Variants in TMEM266 observed in about 807,000 individuals in gnomAD.
TMEM266 encodes the protein Hv1 related protein 1.
Under a neutral mutation model 50.5 loss-of-function variants are expected in TMEM266, and 33 were observed. That is an observed-to-expected ratio of 0.65 (90% CI 0.50 to 0.87). TMEM266 has a LOEUF of 0.87. Among genes scored for constraint, TMEM266 ranks in the 40% least tolerant of loss-of-function variants. The pLI, the probability that TMEM266 is intolerant of heterozygous loss-of-function variation, is 0.00. For synonymous variants in TMEM266, 310 were observed against 292.3 expected, an observed-to-expected ratio of 1.06 and a Z score of -0.62; for missense variants, 655 against 695.1, an observed-to-expected ratio of 0.94 and a Z score of 0.65.
intron 2 of TMEM266, among the ~76,000 whole-genome samples, chr15:76,136,120 T>C (rs545833743): frequency 3.3e-5 from 5 of 152,298 alleles, no homozygotes; most frequent in African/African-American, 1.2e-4. Flanking sequence ...ATTTTGTGTA[T>C]TTTTAGTAGA....
intron 1 of TMEM266, among the ~76,000 whole-genome samples, chr15:76,100,073 G>A (rs2036979759): frequency 6.6e-6 from 1 of 152,046 alleles, no homozygotes. Context: ...CAACACATGG[G>A]GATTACAAGT....
intron 3 of TMEM266, among the ~76,000 whole-genome samples, chr15:76,149,152 A>T (rs1406406866): frequency 6.6e-6 from 1 of 152,168 alleles, no homozygotes; most frequent in Non-Finnish European, 1.5e-5. Flanking sequence ...CCCCACTAAC[A>T]ATTGCAGATG....
At chr15:76,137,921 C>G (rs757068587) in intron 3 of TMEM266, 26 bp downstream of exon 3, 2 of 1,531,050 alleles carry the variant, frequency 1.3e-6, no homozygotes, top group South Asian at 2.6e-5. Context: ...ATTGAGCTAG[C>G]TAAGAAGTCC....
chr15:76,172,182 T>G (rs558819778), intron 7 of TMEM266, among the ~76,000 whole-genome samples: 1 of 152,284 alleles, frequency 6.6e-6, no homozygotes, highest in South Asian at 2.1e-4. Flanking sequence ...TTGGTTTGGT[T>G]TGGTTGACAG....
chr15:76,134,368 A>T (rs1434832618), intron 2 of TMEM266, 67 bp downstream of exon 2: 3 of 1,546,564 alleles, frequency 1.9e-6, no homozygotes, highest in Non-Finnish European at 2.7e-6. Context: ...GAAGATGAAG[A>T]TCTTCTAATT....
At chr15:76,171,666 G>A (rs2038190840) in intron 7 of TMEM266, among the ~76,000 whole-genome samples, 1 of 152,216 alleles carries the variant, frequency 6.6e-6, no homozygotes, top group Non-Finnish European at 1.5e-5. Context: ...GGCAGGGGCT[G>A]GCTTTTGGCA....
At chr15:76,067,367 G>T (rs1307290270) in intron 1 of TMEM266, among the ~76,000 whole-genome samples, 1 of 151,800 alleles carries the variant, frequency 6.6e-6, no homozygotes, top group East Asian at 1.9e-4. Context: ...TTGGGGCTGG[G>T]TGCGGTGGTT....
At chr15:76,137,980 G>A in intron 3 of TMEM266, 85 bp downstream of exon 3, 2 of 1,359,808 alleles carry the variant, frequency 1.5e-6, no homozygotes, top group Non-Finnish European at 2.0e-6. Flanking sequence ...CCAGCACTTT[G>A]GGAGGCAGAG....
rs8043132 is a variant in TMEM266, at chr15:76,184,717, C to T, written c.769-7251C>T. Among the ~76,000 whole-genome samples, 463 of 152,304 alleles carry T rather than the reference C, an allele frequency of 3.0e-3. 6 individuals carry two copies. The highest frequency in any genetic ancestry group is 0.011 in the African/African-American group (439 of 41,566). On this transcript the variant is annotated intron_variant, in intron 8 of 10. Transcript: ENST00000388942. The stretch of plus-strand genomic sequence containing the variant: ...AAGGCGGAGAAGCGCTGGGTGTGCC[C>T]GTCCTGCCGCCCCGGTGGGTCTGAC...
intron 1 of TMEM266, among the ~76,000 whole-genome samples, chr15:76,105,801 A>C (rs956882942): frequency 5.9e-5 from 9 of 152,194 alleles, no homozygotes; most frequent in African/African-American, 1.4e-4. Flanking sequence ...TGAGAGATGA[A>C]TGGATGTGCT....
At chr15:76,202,444 C>A (rs1596176627) in intron 10 of TMEM266, among the ~76,000 whole-genome samples, 180 bp downstream of exon 10, 1 of 152,330 alleles carries the variant, frequency 6.6e-6, no homozygotes, top group East Asian at 1.9e-4. Context: ...AGCACTGGAG[C>A]TGGGGGTCCC....
At chr15:76,126,248 C>T (rs538576701) in intron 1 of TMEM266, among the ~76,000 whole-genome samples, 1 of 151,588 alleles carries the variant, frequency 6.6e-6, no homozygotes, top group Admixed American at 6.6e-5. Context: ...AAATCACTAT[C>T]TTGAAGAGAT....
intron 8 of TMEM266, among the ~76,000 whole-genome samples, chr15:76,176,983 T>A (rs2038293425): frequency 6.6e-6 from 1 of 152,226 alleles, no homozygotes; most frequent in Non-Finnish European, 1.5e-5. Flanking sequence ...TGCCACCTCT[T>A]GGGTTTTGGT....
chr15:76,104,921 T>A (rs2037058232), intron 1 of TMEM266, among the ~76,000 whole-genome samples: 1 of 150,688 alleles, frequency 6.6e-6, no homozygotes, highest in Non-Finnish European at 1.5e-5. Context: ...ATGCAATCTT[T>A]TCTTATTGAA....
At chr15:76,091,338 C>A (rs114822918) in intron 1 of TMEM266, among the ~76,000 whole-genome samples, 209 of 150,434 alleles carry the variant, frequency 1.4e-3, no homozygotes, top group African/African-American at 4.1e-3. Flanking sequence ...AAAAATGGAG[C>A]CAGGCCAGGA....
chr15:76,157,886 G>A (rs1354050024), intron 4 of TMEM266, among the ~76,000 whole-genome samples: 1 of 152,182 alleles, frequency 6.6e-6, no homozygotes, highest in Non-Finnish European at 1.5e-5. Flanking sequence ...TCCTCGGGAG[G>A]CAGAAGTAGG....
chr15:76,078,686 T>C, intron 1 of TMEM266, among the ~76,000 whole-genome samples: 1 of 152,076 alleles, frequency 6.6e-6, no homozygotes, highest in African/African-American at 2.4e-5. Flanking sequence ...CATATGAGGG[T>C]GAACCGAGGA....
At chr15:76,109,691 TTTTCTTTTTTC>T (rs953151472) in intron 1 of TMEM266, among the ~76,000 whole-genome samples, 5 of 151,142 alleles carry the variant, frequency 3.3e-5, no homozygotes, top group African/African-American at 1.2e-4. Context: ...AATGACAGGC[TTTTCTTTTTTC>T]TTTCTTTTCT....
chr15:76,109,841 G>A (rs1176868753), intron 1 of TMEM266, among the ~76,000 whole-genome samples: 1 of 149,714 alleles, frequency 6.7e-6, no homozygotes, highest in Non-Finnish European at 1.5e-5. Flanking sequence ...TAAATTTTTT[G>A]TGGAGACAAG....
Sources: gnomAD v4.1 joint callset for allele counts (sites outside exome capture counted in the v4.1 genomes callset) on GRCh38, gnomAD v4.1.1 for gene constraint, MANE v1.5 for transcripts, NCBI Gene and HGNC (gene_info 2026-07-23, HGNC 2026-07-21) for gene names.